The following ALPK2 variants were observed in gnomAD, a reference collection of about 807,000 sequenced individuals.
ALPK2 encodes the protein alpha kinase 2.
ALPK2 carries 127 observed loss-of-function variants against 163.1 expected under a neutral mutation model. The ratio of observed to expected loss-of-function variants is 0.78; its 90% CI spans 0.67 to 0.90. ALPK2 has a LOEUF of 0.90. Ranked by LOEUF, ALPK2 falls within the 40% of genes least tolerant of loss-of-function variation. ALPK2 has a pLI of 0.00. For synonymous variants in ALPK2, 953 were observed against 959.1 expected (o/e 0.99, Z 0.12); for missense variants, 2,360 against 2,589.6 (o/e 0.91, Z 1.92).
chr18:58,618,021 A>G (rs1251325715), intron 1 of ALPK2, among the ~76,000 whole-genome samples: 1 of 152,206 alleles, frequency 6.6e-6, no homozygotes, highest in African/African-American at 2.4e-5. Flanking sequence ...TACCAGAGAG[A>G]AGACTGTTCA....
In ALPK2 at chr18:58,538,156, A is replaced by G. The variant is rs766886874; in HGVS notation, c.2031T>C (p.Ala677=). The G allele has an allele frequency of 3.7e-6, 6 of 1,613,940 alleles. No homozygotes were observed. Among genetic ancestry groups the G allele is most frequent in the Non-Finnish European group, 4.2e-6 (5 of 1,180,020 alleles). The part of the protein sequence containing the change: ...CSQMPAFSEP[A]GEESPFTGTT... ...TCCCAGTGAATGGGGACTCCTCCCC[A>G]GCAGGCTCTGAGAAAGCTGGCATCT... The change falls in exon 5 of 13, where the codon GCT becomes GCC. Residue 677 remains alanine (A), a synonymous_variant. Coordinates refer to ENST00000361673, the MANE Select transcript of ALPK2 (RefSeq NM_052947.4).
chr18:58,586,104 A>G (rs778501362), intron 3 of ALPK2, among the ~76,000 whole-genome samples: 1 of 152,242 alleles, frequency 6.6e-6, no homozygotes, highest in African/African-American at 2.4e-5. Context: ...ATTAAATAAT[A>G]CTTTTTAAAA....
At chr18:58,489,172 C>T (rs967184216) in intron 12 of ALPK2, among the ~76,000 whole-genome samples, 1 of 152,090 alleles carries the variant, frequency 6.6e-6, no homozygotes, top group Non-Finnish European at 1.5e-5. Flanking sequence ...GTTTATCTGG[C>T]AGAGGGAACA....
rs538136313 is a variant in ALPK2 at position 58,489,026 on chromosome 18, A to T, written c.6297-6987T>A. Among the ~76,000 whole-genome samples, 10 of 152,280 alleles carry T rather than the reference A, an allele frequency of 6.6e-5. No homozygotes were observed. The South Asian group carries it at 1.2e-3, about 19-fold the overall frequency. On this transcript the variant is annotated intron_variant, in intron 12 of 12. Transcript: ENST00000361673. ...GGAATTAATTAATAAGCGGAGCGGCACTTTCCCAAAAGCGGCCATCTTGGA... is the reference window on the plus strand; with the variant it reads ...GGAATTAATTAATAAGCGGAGCGGCTCTTTCCCAAAAGCGGCCATCTTGGA...
At position 58,500,761 on chromosome 18, in the gene ALPK2, T is replaced by TAA. The variant is rs771457743; in HGVS notation, c.6248-2666_6248-2665dup. Among the ~76,000 whole-genome samples the TAA allele has an allele frequency of 2.0e-4, 24 of 118,688 alleles. No individual in the cohort carries two copies. In the East Asian group the frequency reaches 5.3e-3, roughly 26 times the overall value. The allele number at this position is 118,688 out of a possible 152,430, so 77.9% of individuals were successfully genotyped here. A position where few individuals can be genotyped will look rare whatever the true frequency, so the allele number is the denominator to read the frequency against. On this transcript the variant is annotated intron_variant, in intron 11 of 12. Transcript: ENST00000361673. ...CAACATGGTGAAACCCCGTCTCTAC[T>TAA]AAAAAATACAAAAAAATTAAAAAAA... is the stretch of plus-strand genomic sequence containing the variant.
chr18:58,564,632 A>G (rs950703552), intron 4 of ALPK2, among the ~76,000 whole-genome samples: 1 of 149,998 alleles, frequency 6.7e-6, no homozygotes, highest in Non-Finnish European at 1.5e-5. Flanking sequence ...ACTTTGTTTG[A>G]TATTTATTTT....
At chr18:58,507,373 G>A (rs896950873) in intron 10 of ALPK2, among the ~76,000 whole-genome samples, 1 of 152,194 alleles carries the variant, frequency 6.6e-6, no homozygotes, top group African/African-American at 2.4e-5. Context: ...AATGGCATGG[G>A]TTTTGAATCA....
At chr18:58,627,081 G>A (rs946856233) in intron 1 of ALPK2, among the ~76,000 whole-genome samples, 4 of 152,086 alleles carry the variant, frequency 2.6e-5, no homozygotes, top group South Asian at 2.1e-4. Flanking sequence ...ATTAGGAGTC[G>A]ATTCCAAATC....
intron 1 of ALPK2, among the ~76,000 whole-genome samples, chr18:58,616,279 G>A (rs1253345789): frequency 6.6e-6 from 1 of 152,140 alleles, no homozygotes; most frequent in African/African-American, 2.4e-5. Flanking sequence ...TTGTTATAAT[G>A]TTGGGGCACT....
chr18:58,489,946 T>C (rs1472287919), intron 12 of ALPK2, among the ~76,000 whole-genome samples: 1 of 152,006 alleles, frequency 6.6e-6, no homozygotes, highest in Admixed American at 6.5e-5. Flanking sequence ...CTGGGTGTGG[T>C]ACCGTGTGCC....
intron 1 of ALPK2, among the ~76,000 whole-genome samples, chr18:58,616,323 C>A (rs776697483): frequency 2.6e-5 from 4 of 152,200 alleles, no homozygotes; most frequent in East Asian, 1.9e-4. Flanking sequence ...CTCTCTCTGA[C>A]CTTCTATCCT....
At chr18:58,568,207 T>C (rs1209820315) in intron 4 of ALPK2, among the ~76,000 whole-genome samples, 1 of 152,202 alleles carries the variant, frequency 6.6e-6, no homozygotes, top group Non-Finnish European at 1.5e-5. Flanking sequence ...GTGAGGTGTT[T>C]CTGGGATGCA....
intron 12 of ALPK2, 110 bp downstream of exon 12, chr18:58,497,937 CCA>C: frequency 2.2e-6 from 2 of 909,310 alleles, no homozygotes; most frequent in African/African-American, 1.6e-5. Context: ...CATTCGTCAT[CCA>C]CAGTTAGGAC....
intron 3 of ALPK2, among the ~76,000 whole-genome samples, chr18:58,598,727 C>T (rs1210581123): frequency 6.6e-6 from 1 of 152,192 alleles, no homozygotes; most frequent in Non-Finnish European, 1.5e-5. Flanking sequence ...ATGAGCTTTA[C>T]CTTAGAGGGA....
chr18:58,570,612 A>G (rs1051487577), intron 4 of ALPK2, among the ~76,000 whole-genome samples: 1 of 152,232 alleles, frequency 6.6e-6, no homozygotes, highest in African/African-American at 2.4e-5. Context: ...AGGTGTGAAT[A>G]CATACATCAT....
intron 12 of ALPK2, among the ~76,000 whole-genome samples, chr18:58,496,133 C>G (rs2051399868): frequency 1.3e-5 from 2 of 152,172 alleles, no homozygotes; most frequent in South Asian, 4.1e-4. Flanking sequence ...CATGGGGAAA[C>G]TGCAATAGAC....
intron 10 of ALPK2, among the ~76,000 whole-genome samples, chr18:58,514,742 C>T (rs1337047759): frequency 2.0e-5 from 3 of 151,032 alleles, no homozygotes; most frequent in African/African-American, 7.3e-5. Context: ...ATCCATACAC[C>T]CATCCATCCA....
At chr18:58,572,256 G>A (rs1299417727) in intron 4 of ALPK2, among the ~76,000 whole-genome samples, 1 of 152,152 alleles carries the variant, frequency 6.6e-6, no homozygotes, top group African/African-American at 2.4e-5. Flanking sequence ...ACCAAATGCT[G>A]GTGCAGATGT....
intron 1 of ALPK2, among the ~76,000 whole-genome samples, chr18:58,625,661 C>A (rs1336933723): frequency 6.6e-6 from 1 of 152,178 alleles, no homozygotes; most frequent in Non-Finnish European, 1.5e-5. Flanking sequence ...AGCAAATGAG[C>A]GTGTTTAAGA....
Sources: gnomAD v4.1 joint callset for allele counts (sites outside exome capture counted in the v4.1 genomes callset) on GRCh38, gnomAD v4.1.1 for gene constraint, MANE v1.5 for transcripts, NCBI Gene and HGNC (gene_info 2026-07-23, HGNC 2026-07-21) for gene names.